The following SCAND3 variants were observed in gnomAD, a reference collection of about 807,000 sequenced individuals.
The protein encoded by SCAND3 is SCAN domain containing 3, also known as SCAN domain-containing protein 3.
At chr6:28,603,626 C>T in the SCAND3 span, among the ~76,000 whole-genome samples, 1 of 109,052 alleles carries the variant, frequency 9.2e-6, no homozygotes, top group Admixed American at 8.9e-5. Flanking sequence ...CTAAATATTA[C>T]CTCACTTACA....
At chr6:28,612,246 GC>G in the SCAND3 span, among the ~76,000 whole-genome samples, 1 of 151,924 alleles carries the variant, frequency 6.6e-6, no homozygotes, top group Admixed American at 6.6e-5. Context: ...CATCGTGTTA[GC>G]CAGGATGGTC....
At chr6:28,577,651 T>G in the SCAND3 span, among the ~76,000 whole-genome samples, 1 of 152,274 alleles carries the variant, frequency 6.6e-6, no homozygotes, top group East Asian at 1.9e-4. Flanking sequence ...CTCCACCAAA[T>G]GGATCCACTG....
chr6:28,573,627 T>C, the SCAND3 span: 1 of 1,613,010 alleles, frequency 6.2e-7, no homozygotes, highest in Non-Finnish European at 8.5e-7. Flanking sequence ...GTGGTTTTAG[T>C]ACTTCACCAT....
At chr6:28,572,749 T>G in the SCAND3 span, 1 of 1,614,086 alleles carries the variant, frequency 6.2e-7, no homozygotes, top group Non-Finnish European at 8.5e-7. The surrounding 1 kb of genome is among the most constrained non-coding windows in gnomAD (Gnocchi z 4.1). Flanking sequence ...ATGATCAGCT[T>G]CCATATTATC....
At chr6:28,606,046 T>C in the SCAND3 span, among the ~76,000 whole-genome samples, 1 of 152,134 alleles carries the variant, frequency 6.6e-6, no homozygotes, top group Non-Finnish European at 1.5e-5. Context: ...AAATGCAGAC[T>C]GTAGATTAAA....
the SCAND3 span, chr6:28,587,785 G>A: frequency 6.6e-6 from 1 of 151,514 alleles, no homozygotes; most frequent in Non-Finnish European, 1.5e-5. Flanking sequence ...CAAGACCACC[G>A]AGAATGAGCC....
At chr6:28,591,106 A>G in the SCAND3 span, 1 of 152,212 alleles carries the variant, frequency 6.6e-6, no homozygotes, top group Non-Finnish European at 1.5e-5. Context: ...TTATGATCAC[A>G]TCCATCGTCA....
At chr6:28,584,244 T>C in the SCAND3 span, among the ~76,000 whole-genome samples, 2 of 152,150 alleles carry the variant, frequency 1.3e-5, no homozygotes, top group African/African-American at 4.8e-5. Flanking sequence ...AGAAGTTGTA[T>C]TGGGAGGTAA....
the SCAND3 span, among the ~76,000 whole-genome samples, chr6:28,608,537 TAATC>T: frequency 6.6e-6 from 1 of 152,230 alleles, no homozygotes; most frequent in Non-Finnish European, 1.5e-5. Context: ...CTACACATGT[TAATC>T]AATCCAAATC....
At chr6:28,605,858 A>G in the SCAND3 span, among the ~76,000 whole-genome samples, 4 of 152,118 alleles carry the variant, frequency 2.6e-5, no homozygotes, top group Admixed American at 6.6e-5. Context: ...AAAAGAAAGA[A>G]AGAAAGAAAT....
the SCAND3 span, chr6:28,590,752 C>T: frequency 6.6e-6 from 1 of 152,288 alleles, no homozygotes; most frequent in African/African-American, 2.4e-5. Flanking sequence ...AATTCATTAG[C>T]TCATATTTTG....
chr6:28,571,942 GTTAAT>G, the SCAND3 span: 1 of 1,613,212 alleles, frequency 6.2e-7, no homozygotes, highest in East Asian at 2.2e-5. Flanking sequence ...CTTCTTGCTT[GTTAAT>G]TTGTCTAATC....
chr6:28,588,686 A>T, the SCAND3 span, among the ~76,000 whole-genome samples: 4 of 152,232 alleles, frequency 2.6e-5, no homozygotes, highest in Non-Finnish European at 5.9e-5. This position sits in a 1 kb window ranked among gnomAD's most constrained non-coding sequence, Gnocchi z 4.1. Context: ...AACTTAAATC[A>T]TACTAGACTA....
the SCAND3 span, among the ~76,000 whole-genome samples, chr6:28,577,179 G>A: frequency 9.2e-5 from 14 of 152,120 alleles, no homozygotes; most frequent in Non-Finnish European, 1.6e-4. Flanking sequence ...CTTATTAAAA[G>A]AAATTTCTAG....
chr6:28,595,489 G>A, the SCAND3 span, among the ~76,000 whole-genome samples: 1 of 152,006 alleles, frequency 6.6e-6, no homozygotes, highest in Non-Finnish European at 1.5e-5. Flanking sequence ...TTGGGAGGCC[G>A]AAACGGGCAG....
At chr6:28,595,787 A>G in the SCAND3 span, among the ~76,000 whole-genome samples, 1 of 152,204 alleles carries the variant, frequency 6.6e-6, no homozygotes, top group Non-Finnish European at 1.5e-5. Flanking sequence ...TACTTCAGCC[A>G]TGTACAAGCC....
the SCAND3 span, among the ~76,000 whole-genome samples, chr6:28,608,450 G>A: frequency 6.6e-6 from 1 of 152,050 alleles, no homozygotes; most frequent in African/African-American, 2.4e-5. Context: ...CCCAACACAT[G>A]TTGAACTCAT....
the SCAND3 span, among the ~76,000 whole-genome samples, chr6:28,582,764 T>C: frequency 1.1e-4 from 17 of 151,612 alleles, no homozygotes; most frequent in African/African-American, 2.9e-4. The surrounding 1 kb of genome is among the most constrained non-coding windows in gnomAD (Gnocchi z 4.8). Context: ...CTACTAAAAA[T>C]ACAAAAATTA....
At chr6:28,573,965 C>T in the SCAND3 span, 1 of 1,131,024 alleles carries the variant, frequency 8.8e-7, no homozygotes, top group Non-Finnish European at 1.2e-6. Flanking sequence ...TAAATAAATG[C>T]CTATATTTTC....
Sources: gnomAD v4.1 joint callset for allele counts (sites outside exome capture counted in the v4.1 genomes callset) on GRCh38, gnomAD v4.1.1 for gene constraint, Gnocchi (gnomAD v3.1) non-coding constraint, MANE v1.5 for transcripts, NCBI Gene and HGNC (gene_info 2026-07-23, HGNC 2026-07-21) for gene names.